SNURF: variants seen among roughly 807,000 people sequenced by gnomAD.
SNURF encodes SNRPN upstream open reading frame, also known as SNURF protein.
In SNURF, 6 loss-of-function variants were observed where a neutral mutation model predicts 11.6. That is an observed-to-expected ratio of 0.52 (90% CI 0.28 to 1.02). The LOEUF (loss-of-function observed/expected upper bound fraction) is 1.02, where lower values mean the gene tolerates loss of function less well. SNURF is among the 50% of genes least tolerant of loss of function. The probability of loss-of-function intolerance (pLI) is 0.09; values close to 1 mark genes in which losing one functional copy is unlikely to be tolerated. For synonymous variants in SNURF, 29 were observed against 31.6 expected (o/e 0.92, Z 0.27); for missense variants, 84 against 88.4 (o/e 0.95, Z 0.20).
At chr15:24,972,113 G>C (rs147631392), downstream of SNURF, among the ~76,000 whole-genome samples, 10 of 151,932 alleles carry the variant, frequency 6.6e-5, no homozygotes, top group Non-Finnish European at 1.5e-5. Context: ...AAAATTAGCC[G>C]GGTGTGGTGG....
At chr15:24,957,256 G>GT (rs2063089338) in intron 1 of SNURF, among the ~76,000 whole-genome samples, 1 of 152,180 alleles carries the variant, frequency 6.6e-6, no homozygotes, top group South Asian at 2.1e-4. Context: ...CCCGACTAAG[G>GT]TTGAAAGGTG....
downstream of SNURF, among the ~76,000 whole-genome samples, chr15:24,971,907 A>G (rs1305386119): frequency 1.3e-5 from 2 of 152,156 alleles, no homozygotes; most frequent in African/African-American, 4.8e-5. Context: ...CACAGTCATG[A>G]TCCTTGTTGT....
chr15:24,975,566 C>T, intron 4 of SNURF: 1 of 1,461,314 alleles, frequency 6.8e-7, no homozygotes, highest in Non-Finnish European at 9.5e-7. Flanking sequence ...AAGGGAAGGC[C>T]AGAGCTGGAG....
At chr15:24,962,580 A>G (rs773592296) in intron 2 of SNURF, among the ~76,000 whole-genome samples, 1 of 152,070 alleles carries the variant, frequency 6.6e-6, no homozygotes, top group Non-Finnish European at 1.5e-5. Context: ...TTGCTCTGTG[A>G]TATTTAGGTG....
intron 1 of SNURF, chr15:24,958,859 C>G (rs115963741): frequency 3.4e-4 from 53 of 154,448 alleles, no homozygotes; most frequent in African/African-American, 1.2e-3. Flanking sequence ...CCTGTTAGTA[C>G]AGGCTTGAGG....
At chr15:24,977,810 A>C in exon 7 of SNURF, 2 of 1,613,398 alleles carry the variant, frequency 1.2e-6, no homozygotes, top group East Asian at 4.5e-5. Context: ...GCACTGTAGC[A>C]GCTGCTGCTG....
chr15:24,974,687 C>T, intron 3 of SNURF: 1 of 615,568 alleles, frequency 1.6e-6, no homozygotes, highest in South Asian at 2.0e-5. Flanking sequence ...GTGGTGCGGT[C>T]TTGGCTCACT....
chr15:24,965,215 G>A (rs2075432179), intron 2 of SNURF, among the ~76,000 whole-genome samples: 1 of 152,108 alleles, frequency 6.6e-6, no homozygotes, highest in African/African-American at 2.4e-5. Flanking sequence ...AGTCTTCCTG[G>A]AGGAGTTGTG....
chr15:24,959,235 A>T (rs1186950019), intron 1 of SNURF, among the ~76,000 whole-genome samples: 1 of 152,016 alleles, frequency 6.6e-6, no homozygotes, highest in African/African-American at 2.4e-5. Flanking sequence ...TGTGTTGGGG[A>T]TGCAGTTAGA....
downstream of SNURF, among the ~76,000 whole-genome samples, chr15:24,973,817 A>T (rs1281085394): frequency 2.0e-5 from 3 of 152,222 alleles, no homozygotes; most frequent in Admixed American, 6.5e-5. Flanking sequence ...AGTCTTAGGC[A>T]GGTTTATAAC....
At chr15:24,973,706 G>A (rs1008433270), downstream of SNURF, among the ~76,000 whole-genome samples, 2 of 152,170 alleles carry the variant, frequency 1.3e-5, no homozygotes, top group African/African-American at 4.8e-5. Flanking sequence ...GGCCGTTAAC[G>A]TGATTTATAA....
chr15:24,963,311 C>G (rs1192703440), intron 2 of SNURF, among the ~76,000 whole-genome samples: 2 of 152,154 alleles, frequency 1.3e-5, no homozygotes, highest in Non-Finnish European at 2.9e-5. Context: ...ATGAAAAGAA[C>G]AGTCACTTTG....
At chr15:24,970,908 T>G (rs2153626959), downstream of SNURF, among the ~76,000 whole-genome samples, 1 of 152,328 alleles carries the variant, frequency 6.6e-6, no homozygotes, top group African/African-American at 2.4e-5. Flanking sequence ...CATTTAGTTT[T>G]CTTTTGTCAC....
chr15:24,964,480 G>A (rs2075329482), intron 2 of SNURF, among the ~76,000 whole-genome samples: 1 of 152,042 alleles, frequency 6.6e-6, no homozygotes, highest in Non-Finnish European at 1.5e-5. Context: ...TTTTAGTAGA[G>A]ACAGGGTTTC....
At chr15:24,966,305 A>G (rs1245302093) in intron 2 of SNURF, among the ~76,000 whole-genome samples, 1 of 152,194 alleles carries the variant, frequency 6.6e-6, no homozygotes, top group Non-Finnish European at 1.5e-5. Flanking sequence ...AAAGGATACA[A>G]ATGAACAGAT....
At chr15:24,976,313 A>C (rs1261524584) in exon 5 of SNURF, 1 of 1,613,550 alleles carries the variant, frequency 6.2e-7, no homozygotes, top group African/African-American at 1.3e-5. Flanking sequence ...AGGCCAAAGA[A>C]TGCGAAGCAA....
At chr15:24,961,603 T>C (rs2074825121) in intron 1 of SNURF, among the ~76,000 whole-genome samples, 1 of 152,228 alleles carries the variant, frequency 6.6e-6, no homozygotes, top group Non-Finnish European at 1.5e-5. Flanking sequence ...TGAGCAGCTC[T>C]TCTATTGCTT....
chr15:24,977,784 A>T (rs376675210), exon 7 of SNURF: 1 of 1,602,350 alleles, frequency 6.2e-7, no homozygotes, highest in African/African-American at 1.3e-5. Flanking sequence ...TCAGGTAATG[A>T]CTCCACAGGG....
intron 5 of SNURF, chr15:24,976,449 AT>A (rs760484715): frequency 7.4e-7 from 1 of 1,360,256 alleles, no homozygotes; most frequent in South Asian, 1.2e-5. Flanking sequence ...CAGAACTTTA[AT>A]TTGCAGGGAC....
Sources: gnomAD v4.1 joint callset for allele counts (sites outside exome capture counted in the v4.1 genomes callset) on GRCh38, gnomAD v4.1.1 for gene constraint, MANE v1.5 for transcripts, NCBI Gene and HGNC (gene_info 2026-07-23, HGNC 2026-07-21) for gene names.